Variants in RNGTT observed in about 807,000 individuals in gnomAD.
RNGTT encodes RNA guanylyltransferase and 5'-phosphatase, also known as mRNA-capping enzyme.
Under a neutral mutation model 79.3 loss-of-function variants are expected in RNGTT, and 33 were observed. That is an observed-to-expected ratio of 0.42 (90% CI 0.32 to 0.56). RNGTT has a LOEUF of 0.56. RNGTT is among the 20% of genes least tolerant of loss of function. RNGTT has a pLI of 0.17. For missense variants in RNGTT, 497 were observed against 739.1 expected (o/e 0.67, Z 3.80); for synonymous variants, 222 against 235.9 (o/e 0.94, Z 0.54).
intron 12 of RNGTT, among the ~76,000 whole-genome samples, chr6:88,776,180 C>A (rs751666864): frequency 6.6e-6 from 1 of 152,158 alleles, no homozygotes; most frequent in Non-Finnish European, 1.5e-5. Flanking sequence ...ACTCTCCACA[C>A]CTTCACCAAC....
chr6:88,661,968 A>G lies in RNGTT; in HGVS notation c.1506+16385T>C, dbSNP rs1267742277. Among the ~76,000 whole-genome samples, 3 of 152,230 alleles carry G rather than the reference A, an allele frequency of 2.0e-5. No individual in the cohort carries two copies. In the East Asian group the frequency reaches 5.8e-4, roughly 29 times the overall value. On this transcript the variant is annotated intron_variant, in intron 14 of 15. Transcript: ENST00000369485. ...CAGCATATTTAAAAGGTAATACATCACTTTCAAGTGGCTTTCATACCAGAG... is the reference window on the plus strand; with the variant it reads ...CAGCATATTTAAAAGGTAATACATCGCTTTCAAGTGGCTTTCATACCAGAG...
At chr6:88,714,670 C>T (rs1417432213) in intron 13 of RNGTT, among the ~76,000 whole-genome samples, 1 of 139,230 alleles carries the variant, frequency 7.2e-6, no homozygotes, top group Non-Finnish European at 1.5e-5. Context: ...TCTCGATCTC[C>T]TGACCTCGTG....
chr6:88,754,763 T>C (rs939633076), intron 13 of RNGTT, among the ~76,000 whole-genome samples: 3 of 152,188 alleles, frequency 2.0e-5, no homozygotes, highest in African/African-American at 7.2e-5. Flanking sequence ...CCACAAACAA[T>C]ATCATGAGTG....
intron 4 of RNGTT, among the ~76,000 whole-genome samples, chr6:88,921,373 T>C (rs1022604582): frequency 5.3e-5 from 8 of 152,142 alleles, no homozygotes; most frequent in African/African-American, 1.7e-4. Context: ...AATTTATCAA[T>C]TACAGTTGAC....
intron 11 of RNGTT, among the ~76,000 whole-genome samples, chr6:88,812,992 T>C (rs1780191726): frequency 6.6e-6 from 1 of 152,148 alleles, no homozygotes; most frequent in Non-Finnish European, 1.5e-5. Flanking sequence ...AAACTACTAA[T>C]ATATGCCAGG....
intron 13 of RNGTT, among the ~76,000 whole-genome samples, chr6:88,718,515 A>G (rs1183197370): frequency 2.0e-5 from 3 of 152,140 alleles, no homozygotes; most frequent in African/African-American, 7.2e-5. Flanking sequence ...TAAAAAAAAT[A>G]AAGTAGTGTC....
chr6:88,706,031 C>A (rs924779164), intron 13 of RNGTT, among the ~76,000 whole-genome samples: 2 of 151,992 alleles, frequency 1.3e-5, no homozygotes, highest in East Asian at 3.9e-4. Context: ...GAGATCCCAA[C>A]AATAAAGAGA....
chr6:88,822,946 T>C (rs1350668830), intron 11 of RNGTT, among the ~76,000 whole-genome samples: 1 of 152,124 alleles, frequency 6.6e-6, no homozygotes, highest in Non-Finnish European at 1.5e-5. Context: ...TTGAGACAGA[T>C]AATACACCCA....
rs1421652056 is a variant in RNGTT at position 88,840,886 on chromosome 6, CTGATT to C, written c.1269+3466_1269+3470del. 2.0e-5 allele frequency among the ~76,000 whole-genome samples: 3 copies of C among 152,222 alleles called. No homozygotes were observed. The East Asian group carries it at 5.8e-4, about 29-fold the overall frequency. On this transcript the variant is annotated intron_variant, in intron 11 of 15. Transcript: ENST00000369485. ...CATTAGCAAATATTTCTAAGCAGTA[CTGATT>C]TGACTAATGAAATTATACTATCTAA...
chr6:88,719,444 G>A (rs1279679861), intron 13 of RNGTT, among the ~76,000 whole-genome samples: 1 of 152,176 alleles, frequency 6.6e-6, no homozygotes, highest in Admixed American at 6.5e-5. Context: ...ACTGGTTACT[G>A]AGAAAATTTC....
intron 14 of RNGTT, among the ~76,000 whole-genome samples, chr6:88,645,548 C>A (rs866839088): frequency 4.6e-5 from 7 of 152,344 alleles, no homozygotes; most frequent in Admixed American, 6.5e-5. Flanking sequence ...ATTGTCAAGA[C>A]AATCCTCAGC....
chr6:88,770,664 C>A (rs1190924913), intron 12 of RNGTT, among the ~76,000 whole-genome samples: 1 of 152,148 alleles, frequency 6.6e-6, no homozygotes, highest in Non-Finnish European at 1.5e-5. Flanking sequence ...AGTGGAATGA[C>A]TGTATCACAT....
At chr6:88,647,699 G>GT (rs1562169230) in intron 14 of RNGTT, among the ~76,000 whole-genome samples, 1 of 66,850 alleles carries the variant, frequency 1.5e-5, no homozygotes, top group Non-Finnish European at 2.6e-5. Flanking sequence ...CCGACACCCT[G>GT]TTAAAAAAAA....
At chr6:88,855,441 T>C (rs1201637163) in intron 8 of RNGTT, among the ~76,000 whole-genome samples, 1 of 151,864 alleles carries the variant, frequency 6.6e-6, no homozygotes, top group Non-Finnish European at 1.5e-5. Context: ...GGGGCTTATG[T>C]TTTTGGATTA....
intron 4 of RNGTT, among the ~76,000 whole-genome samples, chr6:88,926,094 A>T (rs1295443481): frequency 6.6e-6 from 1 of 152,226 alleles, no homozygotes; most frequent in African/African-American, 2.4e-5. Flanking sequence ...TCCAGAATTA[A>T]ATAAATATTT....
At chr6:88,651,059 AG>A (rs1773777437) in intron 14 of RNGTT, among the ~76,000 whole-genome samples, 1 of 152,026 alleles carries the variant, frequency 6.6e-6, no homozygotes, top group Non-Finnish European at 1.5e-5. Flanking sequence ...TGAGCAGCAG[AG>A]GTGAGATTAT....
At chr6:88,805,176 C>T (rs1361480309) in intron 11 of RNGTT, among the ~76,000 whole-genome samples, 1 of 152,138 alleles carries the variant, frequency 6.6e-6, no homozygotes, top group Non-Finnish European at 1.5e-5. Context: ...AATCCCAGCC[C>T]CTCCAAAGGA....
Position 88,887,615 on chromosome 6 carries a change from T to C in RNGTT, c.896+2880A>G, listed in dbSNP as rs375791685. 5.9e-5 allele frequency among the ~76,000 whole-genome samples: 9 copies of C among 152,322 alleles called. No individual in the cohort carries two copies. In the South Asian group the frequency reaches 1.4e-3, roughly 25 times the overall value. On this transcript the variant is annotated intron_variant, in intron 8 of 15. Coordinates refer to ENST00000369485, the MANE Select transcript of RNGTT (RefSeq NM_003800.5). ...ATATTTCCATTAGCAATCAAAAACA[T>C]CTTAACCAATTACTTCATAAAAAAT...
chr6:88,830,695 C>T (rs982349414), intron 11 of RNGTT, among the ~76,000 whole-genome samples: 2 of 150,868 alleles, frequency 1.3e-5, no homozygotes, highest in African/African-American at 4.9e-5. Context: ...ACTAGCCAGA[C>T]TAATAAAGAA....
Sources: gnomAD v4.1 joint callset for allele counts (sites outside exome capture counted in the v4.1 genomes callset) on GRCh38, gnomAD v4.1.1 for gene constraint, MANE v1.5 for transcripts, NCBI Gene and HGNC (gene_info 2026-07-23, HGNC 2026-07-21) for gene names.